The following SEC11A variants were observed in gnomAD, a reference collection of about 807,000 sequenced individuals.
The protein encoded by SEC11A is SEC11 homolog A, signal peptidase complex subunit.
A neutral mutation model predicts 25.6 loss-of-function variants in SEC11A; 14 were observed. That is an observed-to-expected ratio of 0.55 (90% CI 0.36 to 0.85). SEC11A has a LOEUF of 0.85. Ranked by LOEUF, SEC11A falls within the 40% of genes least tolerant of loss-of-function variation. SEC11A has a pLI of 0.01. For missense variants in SEC11A, 153 were observed against 222.9 expected (o/e 0.69, Z 2.00); for synonymous variants, 83 against 76.4 (o/e 1.09, Z -0.45).
At chr15:84,712,233 C>A (rs1365304941) in intron 1 of SEC11A, among the ~76,000 whole-genome samples, 12 of 110,220 alleles carry the variant, frequency 1.1e-4, no homozygotes, top group African/African-American at 4.9e-4. Context: ...CAGAGAGAGA[C>A]CTTGTCTTAA....
chr15:84,708,832 G>A (rs559981046), intron 1 of SEC11A, among the ~76,000 whole-genome samples: 5 of 152,068 alleles, frequency 3.3e-5, no homozygotes, highest in African/African-American at 4.8e-5. Flanking sequence ...TCTAGAAATC[G>A]TTAAGATATC....
chr15:84,671,516 GT>G (rs1486999821), intron 4 of SEC11A: 1 of 152,096 alleles, frequency 6.6e-6, no homozygotes, highest in East Asian at 1.9e-4. Context: ...TGCCCCTAAA[GT>G]TTTTCCCCTC....
chr15:84,707,914 A>G (rs187213039), intron 1 of SEC11A, among the ~76,000 whole-genome samples: 32 of 152,294 alleles, frequency 2.1e-4, no homozygotes, highest in African/African-American at 7.0e-4. Flanking sequence ...TGGCTGTTCA[A>G]AAGAATATAC....
At chr15:84,671,690 ATGATGCCTATCT>A (rs1262456040) in intron 4 of SEC11A, 4 of 152,386 alleles carry the variant, frequency 2.6e-5, no homozygotes, top group East Asian at 3.9e-4. Context: ...AAAGGCAACA[ATGATGCCTATCT>A]TGTTCCCCCT....
At chr15:84,714,439 A>G (rs1034918789) in intron 1 of SEC11A, among the ~76,000 whole-genome samples, 3 of 152,256 alleles carry the variant, frequency 2.0e-5, no homozygotes, top group Admixed American at 1.3e-4. Context: ...TTTAATCTTC[A>G]TAGCGACCCT....
At chr15:84,680,908 C>T (rs1897269016) in intron 3 of SEC11A, 76 bp from the exon 4 acceptor site, 1 of 1,361,026 alleles carries the variant, frequency 7.3e-7, no homozygotes, top group East Asian at 2.3e-5. Context: ...TCTTGTTAAC[C>T]AAACATGTTT....
rs568083926 is a variant in SEC11A, at chr15:84,716,061, G to T, written c.15C>A (p.Asp5Glu). The T allele has an allele frequency of 6.2e-7, 1 of 1,613,858 alleles. No individual in the cohort carries two copies. Among genetic ancestry groups the T allele is most frequent in the South Asian group, 1.1e-5 (1 of 91,060 alleles). The part of the protein sequence containing the change: MLSL[D>E]FLDDVRRMNK... ...TCATCCGCCGCACATCGTCCAAAAA[G>T]TCTAGAGACAGCATGGCGGGGACGG... The change falls in exon 1 of 6, where the codon GAC (aspartate) becomes GAA (glutamate). Residue 5 changes from aspartate (D) to glutamate (E), a missense_variant. By Grantham distance (45) the Asp-to-Glu change is conservative (BLOSUM62 2). Coordinates refer to ENST00000268220, the MANE Select transcript of SEC11A (RefSeq NM_014300.4).
chr15:84,712,736 G>C (rs972466326), intron 1 of SEC11A, among the ~76,000 whole-genome samples: 1 of 151,922 alleles, frequency 6.6e-6, no homozygotes, highest in Non-Finnish European at 1.5e-5. Context: ...ATGAGCCACT[G>C]CGTCCAGCCT....
At chr15:84,679,588 A>C (rs1055909567) in intron 4 of SEC11A, among the ~76,000 whole-genome samples, 4 of 152,264 alleles carry the variant, frequency 2.6e-5, no homozygotes, top group Non-Finnish European at 4.4e-5. Flanking sequence ...AGGTTCTGAC[A>C]GTGGCAAAAG....
intron 4 of SEC11A, among the ~76,000 whole-genome samples, chr15:84,677,360 CAG>C (rs1897161887): frequency 6.6e-6 from 1 of 151,498 alleles, no homozygotes; most frequent in African/African-American, 2.4e-5. Context: ...TTCCTTAATG[CAG>C]AGAGTACTAG....
In SEC11A at chr15:84,712,052, G is replaced by A. The variant is rs368389633; in HGVS notation, c.51+3973C>T. On this transcript the variant is annotated intron_variant, in intron 1 of 5. Transcript: ENST00000268220. ...GCCCAGGAATTTGAGACCAGCTTGGGCAGAATAGCGAGACTCCATCTCTAC... is the reference window on the plus strand; with the variant it reads ...GCCCAGGAATTTGAGACCAGCTTGGACAGAATAGCGAGACTCCATCTCTAC... 2.3e-4 allele frequency among the ~76,000 whole-genome samples: 35 copies of A among 151,998 alleles called. No homozygotes were observed. The East Asian group carries it at 4.7e-3, about 20-fold the overall frequency.
chr15:84,687,645 T>G lies in SEC11A; in HGVS notation c.291A>C (p.Arg97=). 5.7e-6 allele frequency: 9 copies of G among 1,581,932 alleles called. No homozygotes were observed. The highest frequency in any genetic ancestry group is 7.7e-6 in the Non-Finnish European group (9 of 1,172,582). ...IEGREIPIVH[R]VLKIHEKQNG... ...CATACTTTTCATGAATCTTCAAGAC[T>G]CGGTGAACTATAGGAATCTCTCTTC... is the stretch of plus-strand genomic sequence containing the variant. The change falls in exon 3 of 6, where the codon CGA becomes CGC. Residue 97 remains arginine, a synonymous_variant. Transcript: ENST00000268220.
At position 84,670,774 on chromosome 15, in the gene SEC11A, G is replaced by A; in HGVS notation, c.440C>T (p.Pro147Leu). ...GAGGATCGTCACAATTCCAATATAA[G>A]GAACAAATCTAAAACAAACAAAAAA... is the stretch of plus-strand genomic sequence containing the variant. ...DVVGRARGFV[P>L]YIGIVTILMN... The change falls in exon 5 of 6, where the codon CCT becomes CTT. Residue 147 changes from proline to leucine, a missense_variant. Transcript: ENST00000268220. 3 of 1,449,752 alleles carry A rather than the reference G, an allele frequency of 2.1e-6. No homozygotes were observed. The highest frequency in any genetic ancestry group is 2.4e-5 in the East Asian group (1 of 42,136). The allele number at this position is 1,449,752 out of a possible 1,614,324, so 89.8% of individuals were successfully genotyped here.
At chr15:84,712,774 C>A (rs1898322134) in intron 1 of SEC11A, among the ~76,000 whole-genome samples, 1 of 152,036 alleles carries the variant, frequency 6.6e-6, no homozygotes, top group South Asian at 2.1e-4. Context: ...CCAAAGAATA[C>A]ATACTCTATG....
chr15:84,714,313 C>G (rs1898389221), intron 1 of SEC11A, among the ~76,000 whole-genome samples: 1 of 152,220 alleles, frequency 6.6e-6, no homozygotes, highest in Non-Finnish European at 1.5e-5. Context: ...CGCACCCAGT[C>G]TACCTTCTGT....
chr15:84,684,397 T>C (rs2141884624), intron 3 of SEC11A, among the ~76,000 whole-genome samples: 1 of 152,322 alleles, frequency 6.6e-6, no homozygotes, highest in Non-Finnish European at 1.5e-5. Context: ...ACATGACCTC[T>C]TGCCTGCCGA....
intron 4 of SEC11A, chr15:84,673,661 A>C (rs1897060587): frequency 6.5e-6 from 1 of 152,778 alleles, no homozygotes. Flanking sequence ...CTGTAATCCC[A>C]GCACTTTGGG....
chr15:84,698,284 C>T (rs1897824872), intron 1 of SEC11A, among the ~76,000 whole-genome samples: 1 of 152,126 alleles, frequency 6.6e-6, no homozygotes, highest in Admixed American at 6.6e-5. Context: ...TGAAGTTCAA[C>T]ATATAAGATA....
intron 1 of SEC11A, among the ~76,000 whole-genome samples, chr15:84,706,074 T>A (rs1262516016): frequency 6.6e-6 from 1 of 151,666 alleles, no homozygotes; most frequent in Non-Finnish European, 1.5e-5. Context: ...TGTCCAAAAA[T>A]TTTTTTATTT....
Sources: gnomAD v4.1 joint callset for allele counts (sites outside exome capture counted in the v4.1 genomes callset) on GRCh38, gnomAD v4.1.1 for gene constraint, MANE v1.5 for transcripts, NCBI Gene and HGNC (gene_info 2026-07-23, HGNC 2026-07-21) for gene names.